The following RAPGEF5 variants were observed in gnomAD, a reference collection of about 807,000 sequenced individuals.
RAPGEF5 encodes Rap guanine nucleotide exchange factor 5, also known as M-Ras-regulated GEF.
RAPGEF5 carries 65 observed loss-of-function variants against 125.2 expected under a neutral mutation model. The observed-to-expected ratio is 0.52, with a 90% CI of 0.43 to 0.64. The LOEUF (loss-of-function observed/expected upper bound fraction) is 0.64, where lower values mean the gene tolerates loss of function less well. Ranked by LOEUF, RAPGEF5 falls within the 30% of genes least tolerant of loss-of-function variation. The pLI, the probability that RAPGEF5 is intolerant of heterozygous loss-of-function variation, is 0.00. For missense variants in RAPGEF5, 958 were observed against 1,048.1 expected, an observed-to-expected ratio of 0.91 and a Z score of 1.19; for synonymous variants, 391 against 385.9, an observed-to-expected ratio of 1.01 and a Z score of -0.16.
intron 11 of RAPGEF5, among the ~76,000 whole-genome samples, chr7:22,175,282 A>G (rs1484596307): frequency 6.6e-6 from 1 of 152,110 alleles, no homozygotes; most frequent in Non-Finnish European, 1.5e-5. Context: ...GACCTTAGAG[A>G]GATGCCCCTT....
intron 9 of RAPGEF5, among the ~76,000 whole-genome samples, chr7:22,206,806 A>G (rs1482962785): frequency 1.3e-5 from 2 of 152,162 alleles, no homozygotes; most frequent in Non-Finnish European, 2.9e-5. Flanking sequence ...AATATTAAAA[A>G]TAAAAAACAT....
In RAPGEF5 at chr7:22,136,951, A is replaced by G. The variant is rs1270676722; in HGVS notation, c.2310T>C (p.Ser770=). 1 of 1,587,396 alleles carries G rather than the reference A, an allele frequency of 6.3e-7. No individual in the cohort carries two copies. Among genetic ancestry groups the G allele is most frequent in the African/African-American group, 1.3e-5 (1 of 74,592 alleles). ...KIPGKFKKLF[S]ELESLTDPSL... Reference sequence around the variant, plus strand: ...TACTTACTGTTAAACTTTCAAGTTCAGAGAAAAGTTTCTTAAACTTCCCAG... The same window carrying G: ...TACTTACTGTTAAACTTTCAAGTTCGGAGAAAAGTTTCTTAAACTTCCCAG... The change falls in exon 22 of 26, where the codon TCT becomes TCC. Residue 770 remains serine, a synonymous_variant. Coordinates refer to ENST00000665637, the MANE Select transcript of RAPGEF5 (RefSeq NM_012294.5).
At chr7:22,189,966 TG>T (rs1784940428) in intron 11 of RAPGEF5, among the ~76,000 whole-genome samples, 1 of 152,170 alleles carries the variant, frequency 6.6e-6, no homozygotes, top group Non-Finnish European at 1.5e-5. Flanking sequence ...CACTTCCCAT[TG>T]ATCTTCTCTT....
chr7:22,274,375 G>C (rs1782508607), intron 6 of RAPGEF5, among the ~76,000 whole-genome samples: 1 of 152,058 alleles, frequency 6.6e-6, no homozygotes, highest in Admixed American at 6.6e-5. Flanking sequence ...TGTCACCCAG[G>C]CTGGAGTGCA....
At position 22,150,424 on chromosome 7, in the gene RAPGEF5, C is replaced by G. The variant is rs777120464; in HGVS notation, c.1867G>C (p.Asp623His). ...ASGRIYVYRK[D>H]LADTLNPFAE... is the part of the protein sequence containing the mutation. ...GTCCTTACCAAAGTGTCCGCCAGGT[C>G]TTTCCGGTAGACATATATTCGACCA... The change falls in exon 18 of 26, where the codon GAC (aspartate) becomes CAC (histidine). Residue 623 changes from aspartate (D) to histidine (H), a missense_variant. Asp to His is a moderately conservative substitution (Grantham distance 81). Transcript: ENST00000665637. 2.4e-5 allele frequency: 39 copies of G among 1,605,264 alleles called. No homozygotes were observed. The highest frequency in any genetic ancestry group is 3.3e-5 in the Non-Finnish European group (39 of 1,177,002).
intron 8 of RAPGEF5, among the ~76,000 whole-genome samples, chr7:22,227,561 C>T (rs930421078): frequency 6.6e-6 from 1 of 152,092 alleles, no homozygotes; most frequent in Non-Finnish European, 1.5e-5. Context: ...TACTCAAGGC[C>T]AAGTGTAGTG....
rs372555909 is a variant in RAPGEF5, at chr7:22,260,439, T to C, written c.796+6525A>G. On this transcript the variant is annotated intron_variant, in intron 7 of 25. Transcript: ENST00000665637. ...TTCAATTTTGCTATGAACCTAAAAC[T>C]GCTCTAAAAAATAAAGTCTATCAAA... is the stretch of plus-strand genomic sequence containing the variant. Among the ~76,000 whole-genome samples the C allele has an allele frequency of 6.0e-5, 9 of 149,144 alleles. No individual in the cohort carries two copies. In the East Asian group the frequency reaches 1.2e-3, roughly 20 times the overall value.
At chr7:22,275,920 G>C (rs761595547) in intron 6 of RAPGEF5, among the ~76,000 whole-genome samples, 2 of 152,162 alleles carry the variant, frequency 1.3e-5, no homozygotes, top group Non-Finnish European at 2.9e-5. Flanking sequence ...AGAAACTACA[G>C]ATGTTTACAA....
intron 9 of RAPGEF5, among the ~76,000 whole-genome samples, chr7:22,202,437 C>T (rs1257227371): frequency 6.6e-6 from 1 of 152,088 alleles, no homozygotes; most frequent in East Asian, 1.9e-4. Flanking sequence ...AAAATACACT[C>T]CCCAAATTCC....
chr7:22,264,841 T>A (rs1021405985), intron 7 of RAPGEF5, among the ~76,000 whole-genome samples: 3 of 152,190 alleles, frequency 2.0e-5, no homozygotes, highest in Non-Finnish European at 2.9e-5. Flanking sequence ...TCTGAAATTT[T>A]AAAAAATCAA....
chr7:22,265,701 T>C (rs1382140925), intron 7 of RAPGEF5, among the ~76,000 whole-genome samples: 1 of 152,186 alleles, frequency 6.6e-6, no homozygotes, highest in Non-Finnish European at 1.5e-5. Flanking sequence ...ACCAACAGTT[T>C]ATGAGAGTTT....
chr7:22,208,618 T>C (rs1785446041), intron 9 of RAPGEF5, among the ~76,000 whole-genome samples: 1 of 152,200 alleles, frequency 6.6e-6, no homozygotes, highest in Admixed American at 6.5e-5. Context: ...TTCCCTTCAC[T>C]GGGTCTTCCA....
intron 12 of RAPGEF5, chr7:22,162,860 G>A (rs945131017): frequency 1.2e-5 from 6 of 480,236 alleles, no homozygotes; most frequent in African/African-American, 1.2e-4. Context: ...AATTTCAACA[G>A]TGACTCTAAG....
intron 16 of RAPGEF5, among the ~76,000 whole-genome samples, 192 bp downstream of exon 16, chr7:22,156,615 GGAC>G (rs1206756414): frequency 6.6e-6 from 1 of 152,132 alleles, no homozygotes; most frequent in Non-Finnish European, 1.5e-5. Flanking sequence ...TTGGTGCTTG[GGAC>G]AGTATTATGT....
chr7:22,255,169 A>T (rs1786725846), intron 7 of RAPGEF5, among the ~76,000 whole-genome samples: 1 of 152,232 alleles, frequency 6.6e-6, no homozygotes. Flanking sequence ...TATAGGATAC[A>T]TTCTTTGAAC....
intron 7 of RAPGEF5, among the ~76,000 whole-genome samples, chr7:22,253,777 C>G (rs1057139601): frequency 1.3e-5 from 2 of 151,994 alleles, no homozygotes; most frequent in Non-Finnish European, 2.9e-5. Flanking sequence ...CTTTGCTGAC[C>G]CTAATTTTAT....
At chr7:22,308,078 A>C (rs1472523896) in intron 5 of RAPGEF5, among the ~76,000 whole-genome samples, 1 of 152,120 alleles carries the variant, frequency 6.6e-6, no homozygotes, top group African/African-American at 2.4e-5. Flanking sequence ...TAGATCATCT[A>C]CTCCTATAAC....
chr7:22,185,540 G>C (rs755206733), intron 11 of RAPGEF5, among the ~76,000 whole-genome samples: 1 of 152,186 alleles, frequency 6.6e-6, no homozygotes, highest in African/African-American at 2.4e-5. Flanking sequence ...TAGTAATTAG[G>C]AGAGAAGCTC....
At chr7:22,356,725 G>A (rs1223101966) in intron 1 of RAPGEF5, 105 bp downstream of exon 1, 11 of 575,508 alleles carry the variant, frequency 1.9e-5, no homozygotes, top group African/African-American at 1.2e-4. Context: ...CGTCCCTTCC[G>A]CCACCTCCCC....
Sources: gnomAD v4.1 joint callset for allele counts (sites outside exome capture counted in the v4.1 genomes callset) on GRCh38, gnomAD v4.1.1 for gene constraint, MANE v1.5 for transcripts, NCBI Gene and HGNC (gene_info 2026-07-23, HGNC 2026-07-21) for gene names.